UNC80: variants seen among roughly 807,000 people sequenced by gnomAD.
UNC80 encodes protein unc-80 homolog.
UNC80 carries 164 observed loss-of-function variants against 384.6 expected under a neutral mutation model. The ratio of observed to expected loss-of-function variants is 0.43; its 90% CI spans 0.38 to 0.49. UNC80 has a LOEUF of 0.49. UNC80 is among the 20% of genes least tolerant of loss of function. UNC80 has a pLI of 0.00. For missense variants in UNC80, 3,330 were observed against 4,143.0 expected (o/e 0.80, Z 5.39); for synonymous variants, 1,486 against 1,527.8 (o/e 0.97, Z 0.64).
At chr2:209,903,524 CTA>C (rs1199667435) in intron 28 of UNC80, among the ~76,000 whole-genome samples, 4 of 716 alleles carry the variant, frequency 5.6e-3, no homozygotes, top group East Asian at 0.045. Context: ...AATATATATA[CTA>C]TATATATTAT....
At chr2:209,919,158 C>T (rs942257437) in intron 33 of UNC80, among the ~76,000 whole-genome samples, 1 of 152,100 alleles carries the variant, frequency 6.6e-6, no homozygotes, top group Non-Finnish European at 1.5e-5. Context: ...TGTAATATAA[C>T]TCATAAACGG....
At chr2:209,840,452 T>C in intron 19 of UNC80, 90 bp from the exon 20 acceptor site, 1 of 1,072,178 alleles carries the variant, frequency 9.3e-7, no homozygotes, top group Admixed American at 2.2e-5. Flanking sequence ...CATGTAACTT[T>C]CATCGCTTGT....
At chr2:209,981,606 A>G (rs955592942) in intron 59 of UNC80, among the ~76,000 whole-genome samples, 17 of 152,146 alleles carry the variant, frequency 1.1e-4, no homozygotes, top group African/African-American at 3.9e-4. Context: ...ACCAAAACAA[A>G]ACAAAAAAAA....
intron 24 of UNC80, among the ~76,000 whole-genome samples, 170 bp downstream of exon 24, chr2:209,878,259 C>T (rs1004687563): frequency 1.3e-5 from 2 of 152,142 alleles, no homozygotes; most frequent in African/African-American, 4.8e-5. Flanking sequence ...CATAAAGCCA[C>T]ACAGAGACAA....
chr2:209,876,799 C>A (rs2124889112), intron 23 of UNC80, among the ~76,000 whole-genome samples: 1 of 152,278 alleles, frequency 6.6e-6, no homozygotes. Context: ...ATACTGCATT[C>A]TCCTTGGTAT....
chr2:209,829,131 G>C, intron 14 of UNC80, 101 bp from the exon 15 acceptor site: 3 of 1,424,222 alleles, frequency 2.1e-6, no homozygotes, highest in Non-Finnish European at 2.8e-6. Flanking sequence ...AGTGGGGATG[G>C]TTGGAAACCC....
intron 18 of UNC80, among the ~76,000 whole-genome samples, chr2:209,838,141 T>A (rs925049010): frequency 3.3e-5 from 5 of 152,086 alleles, no homozygotes; most frequent in Non-Finnish European, 7.4e-5. Flanking sequence ...AATTTCTCTG[T>A]CAAGGGCGGT....
intron 7 of UNC80, among the ~76,000 whole-genome samples, chr2:209,801,817 T>C (rs1281286936): frequency 6.6e-6 from 1 of 152,066 alleles, no homozygotes; most frequent in African/African-American, 2.4e-5. Context: ...TTCTTAGAAT[T>C]GTTTAAAGCA....
intron 43 of UNC80, among the ~76,000 whole-genome samples, chr2:209,940,968 G>A (rs776386288): frequency 6.6e-6 from 1 of 152,162 alleles, no homozygotes. Context: ...TGTTTATTTA[G>A]CAGTAAAACA....
At chr2:209,880,676 A>G (rs955156409) in intron 24 of UNC80, among the ~76,000 whole-genome samples, 1 of 152,182 alleles carries the variant, frequency 6.6e-6, no homozygotes, top group African/African-American at 2.4e-5. Flanking sequence ...AAAATAATTT[A>G]GTTCTGCTTG....
intron 44 of UNC80, among the ~76,000 whole-genome samples, chr2:209,942,736 G>A (rs1018611110): frequency 7.3e-5 from 11 of 151,682 alleles, no homozygotes; most frequent in African/African-American, 1.7e-4. Context: ...TACCAAAAGC[G>A]ATTATGTTCA....
At chr2:209,899,406 C>A (rs2087141579) in intron 28 of UNC80, among the ~76,000 whole-genome samples, 1 of 152,104 alleles carries the variant, frequency 6.6e-6, no homozygotes, top group Non-Finnish European at 1.5e-5. Context: ...GTCATGTATG[C>A]AGACAGTGTA....
intron 4 of UNC80, among the ~76,000 whole-genome samples, chr2:209,784,203 G>A (rs974643146): frequency 6.6e-6 from 1 of 151,962 alleles, no homozygotes; most frequent in Non-Finnish European, 1.5e-5. Flanking sequence ...CCCTCTATTA[G>A]TACCCCCATC....
At chr2:209,900,895 C>T (rs1250320296) in intron 28 of UNC80, among the ~76,000 whole-genome samples, 1 of 152,138 alleles carries the variant, frequency 6.6e-6, no homozygotes, top group Non-Finnish European at 1.5e-5. Context: ...AAACCCAAAG[C>T]CCAATTCAGA....
At chr2:209,955,253 T>A (rs1278519115) in intron 48 of UNC80, among the ~76,000 whole-genome samples, 1 of 152,138 alleles carries the variant, frequency 6.6e-6, no homozygotes, top group Non-Finnish European at 1.5e-5. Context: ...CCCATCTTGC[T>A]GTGCTGGTAA....
At chr2:209,946,902 C>T (rs929457748) in intron 47 of UNC80, among the ~76,000 whole-genome samples, 3 of 152,172 alleles carry the variant, frequency 2.0e-5, no homozygotes, top group African/African-American at 2.4e-5. Flanking sequence ...CCAGGAGGAG[C>T]GGGATTTATA....
rs1574435345 is a variant in UNC80, at chr2:209,786,179, C to T, written c.714C>T (p.Asn238=). The T allele has an allele frequency of 6.2e-7, 1 of 1,613,798 alleles. No individual in the cohort carries two copies. The highest frequency in any genetic ancestry group is 8.5e-7 in the Non-Finnish European group (1 of 1,179,808). ...GFTALVKPIR[N]IITAKRSSPI... ...CCGCACTGGTGAAGCCCATCAGGAA[C>T]ATCATTACAGGTTTGTAACTTGGAC... The change falls in exon 5 of 65, where the codon AAC becomes AAT. Residue 238 remains asparagine (N), a synonymous_variant. Transcript: ENST00000673920.
At chr2:209,838,239 A>G (rs1471551399) in intron 18 of UNC80, among the ~76,000 whole-genome samples, 2 of 151,766 alleles carry the variant, frequency 1.3e-5, no homozygotes, top group East Asian at 3.9e-4. Context: ...AATAGTAACC[A>G]TTGTTTTCTC....
At chr2:209,789,958 A>G (rs186100751) in intron 6 of UNC80, among the ~76,000 whole-genome samples, 8 of 152,010 alleles carry the variant, frequency 5.3e-5, no homozygotes, top group Non-Finnish European at 7.4e-5. Context: ...GTTCTCAATT[A>G]TTGCATCCCC....
Sources: allele counts gnomAD v4.1 joint callset (sites outside exome capture counted in the v4.1 genomes callset), GRCh38; gene constraint gnomAD v4.1.1; transcripts MANE v1.5; gene names NCBI Gene and HGNC (gene_info 2026-07-23, HGNC 2026-07-21).